Variants in NRG2 observed in about 807,000 individuals in gnomAD.
NRG2 encodes neuregulin 2.
Under a neutral mutation model 73.9 loss-of-function variants are expected in NRG2, and 27 were observed. The ratio of observed to expected loss-of-function variants is 0.37; its 90% CI spans 0.27 to 0.50. The LOEUF is 0.50. Among genes scored for constraint, NRG2 ranks in the 20% least tolerant of loss-of-function variants. NRG2 has a pLI of 0.96. For missense variants in NRG2, 1,126 were observed against 1,210.1 expected (o/e 0.93, Z 1.03); for synonymous variants, 532 against 541.0 (o/e 0.98, Z 0.23).
At chr5:139,857,588 C>G (rs943563806) in intron 5 of NRG2, among the ~76,000 whole-genome samples, 1 of 151,924 alleles carries the variant, frequency 6.6e-6, no homozygotes, top group Non-Finnish European at 1.5e-5. Context: ...ATCTGTGATC[C>G]CTTTCTGCTT....
At chr5:139,950,192 G>A (rs891912145) in intron 1 of NRG2, among the ~76,000 whole-genome samples, 22 of 152,200 alleles carry the variant, frequency 1.4e-4, no homozygotes, top group Non-Finnish European at 8.8e-5. Flanking sequence ...CAGCTAGAGT[G>A]AGCCACACAC....
At chr5:139,984,712 G>A (rs1012731081) in intron 1 of NRG2, among the ~76,000 whole-genome samples, 1 of 152,086 alleles carries the variant, frequency 6.6e-6, no homozygotes, top group Non-Finnish European at 1.5e-5. Flanking sequence ...CAGTATTTAG[G>A]TCAGGGGAAG....
Position 139,855,776 on chromosome 5 carries a change from C to T in NRG2, c.1192G>A (p.Ala398Thr), listed in dbSNP as rs1313679671. ...RLYMPDPKQKAEELYQKRVLT... is the reference protein window; with the variant it reads ...RLYMPDPKQKTEELYQKRVLT... ...ACCCTCTTCTGGTACAGCTCCTCGG[C>T]TTCTGCAGAGGTAGGGTAGATGTGA... The change falls in exon 6 of 10, where the codon GCC becomes ACC. Residue 398 changes from alanine (A) to threonine (T), a missense_variant and splice_region_variant. Coordinates refer to ENST00000361474, the MANE Select transcript of NRG2 (RefSeq NM_004883.3). The T allele has an allele frequency of 1.2e-6, 2 of 1,613,496 alleles. No individual in the cohort carries two copies. The highest frequency in any genetic ancestry group is 4.5e-5 in the East Asian group (2 of 44,884).
chr5:139,951,547 G>A (rs947726572), intron 1 of NRG2, among the ~76,000 whole-genome samples: 2 of 151,696 alleles, frequency 1.3e-5, no homozygotes, highest in Admixed American at 6.5e-5. Context: ...CTGATGGAAC[G>A]ATGAGCTAAC....
chr5:139,952,136 A>G (rs1276898631), intron 1 of NRG2, among the ~76,000 whole-genome samples: 1 of 152,236 alleles, frequency 6.6e-6, no homozygotes, highest in African/African-American at 2.4e-5. Flanking sequence ...ATTAACCAAT[A>G]TAATATATTT....
rs1215044706 is a variant in NRG2, at chr5:139,848,283, C to G, written c.2187G>C (p.Ala729=). Residue 729 remains alanine, a synonymous_variant, in exon 10 of 10, where the codon GCG becomes GCC. Coordinates refer to ENST00000361474, the MANE Select transcript of NRG2 (RefSeq NM_004883.3). ...CAPPPPPRPR[A]RGASRRTSAG... ...CCGACGTCCTGCGGGACGCACCGCG[C>G]GCGCGCGGCCGCGGCGGCGGCGGGG... 3 of 1,118,566 alleles carry G rather than the reference C, an allele frequency of 2.7e-6. No individual in the cohort carries two copies. The highest frequency in any genetic ancestry group is 5.1e-5 in the Admixed American group (1 of 19,760). 69.3% of individuals were successfully genotyped at this position (1,118,566 alleles called of 1,614,324 possible).
intron 1 of NRG2, among the ~76,000 whole-genome samples, chr5:139,957,922 T>C (rs922006403): frequency 1.3e-5 from 2 of 152,104 alleles, no homozygotes. Context: ...TTCCACTTCC[T>C]ATGGGCGCTT....
In NRG2 at chr5:139,915,779, T is replaced by C. The variant is rs1226875354; in HGVS notation, c.701-28268A>G. On this transcript the variant is annotated intron_variant, in intron 1 of 9. Transcript: ENST00000361474. This position sits in a 1 kb window ranked among gnomAD's most constrained non-coding sequence, Gnocchi z 4.0. Reference sequence around the variant, plus strand: ...AATGAAAGGAAGGATCATGGTGACATTTGTATCGCAAAAGATGAGCTGAGA... The same window carrying C: ...AATGAAAGGAAGGATCATGGTGACACTTGTATCGCAAAAGATGAGCTGAGA... 6.6e-6 allele frequency among the ~76,000 whole-genome samples: 1 copy of C among 152,218 alleles called. No individual in the cohort carries two copies. Among genetic ancestry groups the C allele is most frequent in the East Asian group, 1.9e-4 (1 of 5,194 alleles).
At chr5:139,849,282 C>T (rs1761250480) in intron 9 of NRG2, among the ~76,000 whole-genome samples, 1 of 152,200 alleles carries the variant, frequency 6.6e-6, no homozygotes, top group African/African-American at 2.4e-5. Context: ...CTGCCCAATT[C>T]CAGAAGCCAT....
chr5:139,893,868 C>T (rs560164504), intron 1 of NRG2, among the ~76,000 whole-genome samples: 1 of 152,312 alleles, frequency 6.6e-6, no homozygotes, highest in South Asian at 2.1e-4. Flanking sequence ...CTTTAGGACA[C>T]CTCCCCATGG....
chr5:139,861,469 C>G (rs1389198410), intron 5 of NRG2, among the ~76,000 whole-genome samples: 2 of 152,250 alleles, frequency 1.3e-5, no homozygotes, highest in African/African-American at 4.8e-5. Flanking sequence ...TGTGATGGCT[C>G]TGACTAAAGA....
chr5:140,000,383 C>T (rs1006875639), intron 1 of NRG2, among the ~76,000 whole-genome samples: 3 of 152,216 alleles, frequency 2.0e-5, no homozygotes, highest in Non-Finnish European at 2.9e-5. Flanking sequence ...CTTCCCCTGC[C>T]GCAGAGGCAT....
At chr5:139,988,065 C>A (rs897764390) in intron 1 of NRG2, among the ~76,000 whole-genome samples, 1 of 149,170 alleles carries the variant, frequency 6.7e-6, no homozygotes, top group African/African-American at 2.4e-5. Context: ...TGAGCCACCA[C>A]GCCCAGCCTC....
intron 1 of NRG2, among the ~76,000 whole-genome samples, chr5:140,005,164 G>A (rs532677780): frequency 6.6e-6 from 1 of 152,262 alleles, no homozygotes; most frequent in African/African-American, 2.4e-5. Context: ...GGCCAAAAGC[G>A]AGGATTTGAA....
Position 139,880,968 on chromosome 5 carries a change from GTTCT to G in NRG2, c.875_878del (p.Lys292ThrfsTer9). 6.2e-7 allele frequency: 1 copy of G among 1,613,826 alleles called. No individual in the cohort carries two copies. Among genetic ancestry groups the G allele is most frequent in the Non-Finnish European group, 8.5e-7 (1 of 1,179,714 alleles). Reference sequence around the variant, plus strand: ...TCACCTTGTTGAACTGTAGTCGTGAGTTCTTTCTGGTTAGGGAGGGGATAAAAGG... The same window carrying G: ...TCACCTTGTTGAACTGTAGTCGTGAGTTCTGGTTAGGGAGGGGATAAAAGG... On this transcript the variant is annotated frameshift_variant and splice_region_variant, in exon 3 of 10. Coordinates refer to ENST00000361474, the MANE Select transcript of NRG2 (RefSeq NM_004883.3). LOFTEE classifies it high-confidence loss of function.
At chr5:139,854,424 C>T (rs995223907) in intron 6 of NRG2, among the ~76,000 whole-genome samples, 6 of 152,382 alleles carry the variant, frequency 3.9e-5, no homozygotes, top group Admixed American at 3.9e-4. Context: ...GAGCACCGGC[C>T]GTATGCCTGA....
intron 1 of NRG2, among the ~76,000 whole-genome samples, chr5:139,908,364 T>A (rs891203501): frequency 1.3e-5 from 2 of 152,138 alleles, no homozygotes; most frequent in African/African-American, 4.8e-5. Flanking sequence ...CATCAAATAT[T>A]TCCTTAGAGC....
intron 1 of NRG2, among the ~76,000 whole-genome samples, chr5:140,013,528 T>C (rs1002474552): frequency 2.6e-5 from 4 of 152,034 alleles, no homozygotes; most frequent in Admixed American, 2.0e-4. Context: ...TGGTAAACTT[T>C]ATATTATGTG....
At chr5:139,947,004 T>TA (rs564303149) in intron 1 of NRG2, among the ~76,000 whole-genome samples, 2,450 of 145,844 alleles carry the variant, frequency 0.017, 20 homozygotes, top group South Asian at 0.02. Context: ...TGGCTACTAT[T>TA]AAAAAAAAAA....
Sources: gnomAD v4.1 joint callset for allele counts (sites outside exome capture counted in the v4.1 genomes callset) on GRCh38, gnomAD v4.1.1 for gene constraint, Gnocchi (gnomAD v3.1) non-coding constraint, MANE v1.5 for transcripts, NCBI Gene and HGNC (gene_info 2026-07-23, HGNC 2026-07-21) for gene names.